Variants in REEP2 observed in about 807,000 individuals in gnomAD.
REEP2 encodes receptor accessory protein 2.
REEP2 carries 9 observed loss-of-function variants against 32.1 expected under a neutral mutation model. That is an observed-to-expected ratio of 0.28 (90% CI 0.17 to 0.49). The LOEUF (loss-of-function observed/expected upper bound fraction) is 0.49, where lower values mean the gene tolerates loss of function less well. Ranked by LOEUF, REEP2 falls within the 20% of genes least tolerant of loss-of-function variation. The pLI, the probability that REEP2 is intolerant of heterozygous loss-of-function variation, is 0.99. For synonymous variants in REEP2, 128 were observed against 139.1 expected (o/e 0.92, Z 0.56); for missense variants, 236 against 338.0 (o/e 0.70, Z 2.37).
In REEP2 at chr5:138,446,582, GCTC is replaced by G. The variant is rs1339363739; in HGVS notation, c.*834_*836del. 3 of 153,090 alleles carry G rather than the reference GCTC, an allele frequency of 2.0e-5. No homozygotes were observed. Among genetic ancestry groups the G allele is most frequent in the Non-Finnish European group, 4.4e-5 (3 of 68,826 alleles). The allele number at this position is 153,090 out of a possible 1,614,324, so 9.5% of individuals were successfully genotyped here. On this transcript the variant is annotated 3_prime_UTR_variant, in exon 8 of 8. Coordinates refer to ENST00000378339, the MANE Select transcript of REEP2 (RefSeq NM_001271803.2). ...CGGGGATCTGGGGGGCCTCTCACCT[GCTC>G]CTATGACCTTGCTCCCTTTTAGGTC...
chr5:138,439,193 C>G lies in REEP2; in HGVS notation c.-16C>G, dbSNP rs772525468. On this transcript the variant is annotated 5_prime_UTR_variant, in exon 1 of 8. Coordinates refer to ENST00000378339, the MANE Select transcript of REEP2 (RefSeq NM_001271803.2). ...GCCGGGCCGGGTCCCCGCCCCGCGC[C>G]GCGCCCGGCCCCGCCATGGTGTCCT... 1 of 1,362,600 alleles carries G rather than the reference C, an allele frequency of 7.3e-7. No homozygotes were observed. The allele number at this position is 1,362,600 out of a possible 1,614,324, so 84.4% of individuals were successfully genotyped here.
chr5:138,444,555 T>C lies in REEP2; in HGVS notation c.303+20T>C. The C allele has an allele frequency of 6.2e-7, 1 of 1,613,082 alleles. No homozygotes were observed. The highest frequency in any genetic ancestry group is 2.2e-5 in the East Asian group (1 of 44,862). On this transcript the variant is annotated intron_variant, in intron 4 of 7. Coordinates refer to ENST00000378339, the MANE Select transcript of REEP2 (RefSeq NM_001271803.2). ...GAGAAGGTTTGCCCCCACTCTCAGC[T>C]CACCTCCCAGCCTGCCCCCAGCCAA...
intron 3 of REEP2, among the ~76,000 whole-genome samples, chr5:138,442,722 G>C (rs868822644): frequency 6.6e-6 from 1 of 151,644 alleles, no homozygotes; most frequent in African/African-American, 2.4e-5. Flanking sequence ...TTAGCCGGGC[G>C]TGGTGGCGGG....
chr5:138,444,656 C>A, intron 4 of REEP2, 98 bp from the exon 5 acceptor site: 1 of 1,556,250 alleles, frequency 6.4e-7, no homozygotes, highest in Admixed American at 1.8e-5. Flanking sequence ...CTTGGCAGGG[C>A]TGCCGTGGCC....
chr5:138,439,727 C>T (rs1463394670), intron 1 of REEP2: 1 of 456,702 alleles, frequency 2.2e-6, no homozygotes, highest in African/African-American at 2.0e-5. Flanking sequence ...CTTCCACTCA[C>T]TGTCAGGAGA....
At position 138,441,537 on chromosome 5, in the gene REEP2, G is replaced by A; in HGVS notation, c.182+76G>A. Reference sequence around the variant, plus strand: ...TCTCTACCCAGCCAGCCAAACAAAAGACTGGGCCTGGGGGTGAAGCTCCTC... The same window carrying A: ...TCTCTACCCAGCCAGCCAAACAAAAAACTGGGCCTGGGGGTGAAGCTCCTC... On this transcript the variant is annotated intron_variant, in intron 3 of 7. Coordinates refer to ENST00000378339, the MANE Select transcript of REEP2 (RefSeq NM_001271803.2). The surrounding 1 kb of genome is among the most constrained non-coding windows in gnomAD (Gnocchi z 4.4). The A allele has an allele frequency of 7.7e-7, 1 of 1,306,542 alleles. No individual in the cohort carries two copies. The highest frequency in any genetic ancestry group is 1.1e-6 in the Non-Finnish European group (1 of 903,004). 80.9% of individuals were successfully genotyped at this position (1,306,542 alleles called of 1,614,324 possible). A position where few individuals can be genotyped will look rare whatever the true frequency, so the allele number is the denominator to read the frequency against.
At chr5:138,442,109 C>T (rs753973358) in intron 3 of REEP2, among the ~76,000 whole-genome samples, 1 of 152,214 alleles carries the variant, frequency 6.6e-6, no homozygotes, top group African/African-American at 2.4e-5. Context: ...ATATGATTCA[C>T]TCCTATAAAT....
intron 3 of REEP2, chr5:138,443,943 G>A (rs1218210263): frequency 6.5e-6 from 1 of 154,748 alleles, no homozygotes; most frequent in Non-Finnish European, 1.4e-5. Flanking sequence ...TATGGGGACT[G>A]AAGGGCAATC....
chr5:138,441,336 C>T lies in REEP2; in HGVS notation c.106-49C>T, dbSNP rs1391256066. ...GGCAGAGCTGGGGTCCTGGGTGTCC[C>T]TGGCCCCTCAGCCCCGTGCCCCAGC... On this transcript the variant is annotated intron_variant, in intron 2 of 7. Transcript: ENST00000378339. This position sits in a 1 kb window ranked among gnomAD's most constrained non-coding sequence, Gnocchi z 4.4. 6.5e-7 allele frequency: 1 copy of T among 1,544,690 alleles called. No individual in the cohort carries two copies. The highest frequency in any genetic ancestry group is 1.4e-5 in the African/African-American group (1 of 73,382).
intron 5 of REEP2, 59 bp from the exon 6 acceptor site, chr5:138,445,169 C>T: frequency 6.6e-7 from 1 of 1,523,578 alleles, no homozygotes; most frequent in Admixed American, 2.1e-5. Flanking sequence ...ACCATGGTGA[C>T]CTCTATCTCC....
At chr5:138,443,152 A>ATTAAAATAATAGGCAT (rs1763857686) in intron 3 of REEP2, among the ~76,000 whole-genome samples, 1 of 152,000 alleles carries the variant, frequency 6.6e-6, no homozygotes, top group Non-Finnish European at 1.5e-5. Flanking sequence ...GCAACATAGC[A>ATTAAAATAATAGGCAT]AGACCTGCCT....
chr5:138,445,317 G>A lies in REEP2; in HGVS notation c.507G>A (p.Arg169=), dbSNP rs1422005184. 6.2e-6 allele frequency: 10 copies of A among 1,613,610 alleles called. No individual in the cohort carries two copies. Among genetic ancestry groups the A allele is most frequent in the Middle Eastern group, 1.7e-4 (1 of 6,060 alleles). Residue 169 remains arginine (R), a synonymous_variant, in exon 6 of 8, where the codon AGG becomes AGA. Coordinates refer to ENST00000378339, the MANE Select transcript of REEP2 (RefSeq NM_001271803.2). Reference sequence around the variant, plus strand: ...ACGAGGACGCACTGCCCCTGCAGAGGCCTGACGGCCGCCTCCGACCCAGCC... The same window carrying A: ...ACGAGGACGCACTGCCCCTGCAGAGACCTGACGGCCGCCTCCGACCCAGCC... ...IRDEDALPLQ[R]PDGRLRPSPG... is the part of the protein sequence containing the mutation.
chr5:138,441,095 G>A lies in REEP2; in HGVS notation c.105+7G>A, dbSNP rs746215414. 1.5e-5 allele frequency: 25 copies of A among 1,613,652 alleles called. No homozygotes were observed. The South Asian group carries it at 2.2e-4, about 14-fold the overall frequency. ...AAAAAACGTGAAGGAATATGTGAGT[G>A]GATGACCCTTCACCCCCTACCCAAC... is the stretch of plus-strand genomic sequence containing the variant. On this transcript the variant is annotated splice_region_variant and intron_variant, in intron 2 of 7. Coordinates refer to ENST00000378339, the MANE Select transcript of REEP2 (RefSeq NM_001271803.2). The surrounding 1 kb of genome is among the most constrained non-coding windows in gnomAD (Gnocchi z 4.4).
At chr5:138,439,277 G>A in intron 1 of REEP2, 37 bp downstream of exon 1, 1 of 1,435,076 alleles carries the variant, frequency 7.0e-7, no homozygotes, top group Non-Finnish European at 9.1e-7. Context: ...TGCGGGCTGT[G>A]ATGGAGGGCG....
At chr5:138,442,936 G>A (rs1441208742) in intron 3 of REEP2, among the ~76,000 whole-genome samples, 1 of 151,688 alleles carries the variant, frequency 6.6e-6, no homozygotes, top group African/African-American at 2.4e-5. Flanking sequence ...TGAGACAGGA[G>A]AATCGCTTGA....
rs1304752896 is a variant in REEP2 at position 138,441,417 on chromosome 5, C to T, written c.138C>T (p.Ala46=). The T allele has an allele frequency of 6.2e-7, 1 of 1,614,054 alleles. No individual in the cohort carries two copies. Among genetic ancestry groups the T allele is most frequent in the Non-Finnish European group, 8.5e-7 (1 of 1,180,022 alleles). The stretch of plus-strand genomic sequence containing the variant: ...GGATGATGTACTGGATCGTCTTTGC[C>T]TTCTTCACCACGGCCGAGACGCTCA... ...VKWMMYWIVF[A]FFTTAETLTD... Residue 46 remains alanine (A), a synonymous_variant, in exon 3 of 8, where the codon GCC becomes GCT. Coordinates refer to ENST00000378339, the MANE Select transcript of REEP2 (RefSeq NM_001271803.2). This position sits in a 1 kb window ranked among gnomAD's most constrained non-coding sequence, Gnocchi z 4.4.
chr5:138,441,942 A>G lies in REEP2; in HGVS notation c.182+481A>G, dbSNP rs1763833995. ...ACTCCGTCTCAAAAAAAAAACAAAC[A>G]AACAAGGAGTAAGAACAAACATAAT... On this transcript the variant is annotated intron_variant, in intron 3 of 7. Coordinates refer to ENST00000378339, the MANE Select transcript of REEP2 (RefSeq NM_001271803.2). This position sits in a 1 kb window ranked among gnomAD's most constrained non-coding sequence, Gnocchi z 4.4. Among the ~76,000 whole-genome samples the G allele has an allele frequency of 1.3e-5, 2 of 152,004 alleles. No individual in the cohort carries two copies. Among genetic ancestry groups the G allele is most frequent in the Admixed American group, 1.3e-4 (2 of 15,278 alleles).
rs1763829133 is a variant in REEP2 at position 138,441,666 on chromosome 5, T to G, written c.182+205T>G. Among the ~76,000 whole-genome samples, 1 of 152,100 alleles carries G rather than the reference T, an allele frequency of 6.6e-6. No individual in the cohort carries two copies. The highest frequency in any genetic ancestry group is 1.5e-5 in the Non-Finnish European group (1 of 68,024). On this transcript the variant is annotated intron_variant, in intron 3 of 7. Transcript: ENST00000378339. This position sits in a 1 kb window ranked among gnomAD's most constrained non-coding sequence, Gnocchi z 4.4. ...AGTGCCAGGCGAGGGGGCTCACACCTGTAATCCCAGCACTTTGGGAGGTCT... is the reference window on the plus strand; with the variant it reads ...AGTGCCAGGCGAGGGGGCTCACACCGGTAATCCCAGCACTTTGGGAGGTCT...
Position 138,444,885 on chromosome 5 carries a change from T to C in REEP2, c.417+18T>C. On this transcript the variant is annotated intron_variant, in intron 5 of 7. Coordinates refer to ENST00000378339, the MANE Select transcript of REEP2 (RefSeq NM_001271803.2). ...CCGCCAAGGTGAGATGGGGGCAGGC[T>C]CAGACTCCCAGGGCCCCTACCTTGT... 1 of 1,584,858 alleles carries C rather than the reference T, an allele frequency of 6.3e-7. No individual in the cohort carries two copies. The highest frequency in any genetic ancestry group is 8.6e-7 in the Non-Finnish European group (1 of 1,158,994).
Sources: allele counts gnomAD v4.1 joint callset (sites outside exome capture counted in the v4.1 genomes callset), GRCh38; gene constraint gnomAD v4.1.1; non-coding constraint Gnocchi (gnomAD v3.1); transcripts MANE v1.5; gene names NCBI Gene and HGNC (gene_info 2026-07-23, HGNC 2026-07-21).